The following BCAR3 variants were observed in gnomAD, a reference collection of about 807,000 sequenced individuals.
The protein encoded by BCAR3 is BCAR3 adaptor protein, NSP family member, also known as breast cancer anti-estrogen resistance protein 3.
Under a neutral mutation model 80.1 loss-of-function variants are expected in BCAR3, and 37 were observed. That is an observed-to-expected ratio of 0.46 (90% CI 0.36 to 0.61). BCAR3 has a LOEUF of 0.61. BCAR3 is among the 20% of genes least tolerant of loss of function. The pLI is 0.00. For missense variants in BCAR3, 978 were observed against 1,068.2 expected (o/e 0.92, Z 1.18); for synonymous variants, 389 against 418.9 (o/e 0.93, Z 0.87).
intron 2 of BCAR3, among the ~76,000 whole-genome samples, chr1:93,813,971 G>C (rs1571145738): frequency 6.6e-6 from 1 of 152,166 alleles, no homozygotes. Context: ...CAGTTGCTTA[G>C]CAGACTGCCC....
At chr1:93,826,387 C>T (rs751158347) in intron 2 of BCAR3, among the ~76,000 whole-genome samples, 4 of 152,204 alleles carry the variant, frequency 2.6e-5, no homozygotes, top group Non-Finnish European at 5.9e-5. Context: ...GACCTTGCCA[C>T]CCATCCCTTC....
chr1:93,806,828 T>C (rs961882341), intron 2 of BCAR3, among the ~76,000 whole-genome samples: 8 of 152,152 alleles, frequency 5.3e-5, no homozygotes, highest in Non-Finnish European at 1.0e-4. Flanking sequence ...TATAAAAGAA[T>C]AGTAGAAGGC....
chr1:93,835,380 C>T (rs969952834), intron 2 of BCAR3, among the ~76,000 whole-genome samples: 5 of 152,198 alleles, frequency 3.3e-5, no homozygotes, highest in Non-Finnish European at 7.3e-5. Context: ...AAAGAAGCAG[C>T]TTAGCGTTCC....
chr1:93,624,452 AG>A (rs1442111823), intron 3 of BCAR3, among the ~76,000 whole-genome samples: 1 of 152,194 alleles, frequency 6.6e-6, no homozygotes, highest in Non-Finnish European at 1.5e-5. Context: ...GAAGTTTGGG[AG>A]CCCCTGCTCT....
At chr1:93,659,151 A>G (rs1647531656) in intron 2 of BCAR3, among the ~76,000 whole-genome samples, 1 of 152,132 alleles carries the variant, frequency 6.6e-6, no homozygotes, top group South Asian at 2.1e-4. Context: ...ATAAGAGGGA[A>G]TGAAGGGATA....
intron 3 of BCAR3, among the ~76,000 whole-genome samples, chr1:93,700,792 C>T (rs1307625940): frequency 6.6e-6 from 1 of 152,244 alleles, no homozygotes; most frequent in Non-Finnish European, 1.5e-5. Context: ...CAGCGGAATT[C>T]CACAGGAAGA....
chr1:93,780,483 C>A (rs556496611), intron 2 of BCAR3, among the ~76,000 whole-genome samples: 1 of 152,000 alleles, frequency 6.6e-6, no homozygotes, highest in South Asian at 2.1e-4. Flanking sequence ...TCTACTCTGG[C>A]CACCCAAAGC....
Position 93,617,722 on chromosome 1 carries a change from A to G in BCAR3, c.357+24582T>C, listed in dbSNP as rs533738397. Among the ~76,000 whole-genome samples the G allele has an allele frequency of 2.1e-4, 32 of 152,294 alleles. No individual in the cohort carries two copies. The South Asian group carries it at 6.0e-3, about 29-fold the overall frequency. ...AAAGACAGCTTTAATGAGCCAGGGC[A>G]TGAGGCTGATGCAACCAGCTCCATC... On this transcript the variant is annotated intron_variant, in intron 3 of 11. Coordinates refer to ENST00000260502, the MANE Select transcript of BCAR3 (RefSeq NM_003567.4).
intron 5 of BCAR3, chr1:93,585,159 G>T (rs1673892580): frequency 1.0e-6 from 1 of 985,458 alleles, no homozygotes; most frequent in Non-Finnish European, 1.2e-6. Context: ...GCAGGGTGTG[G>T]AATGCAACCT....
intron 3 of BCAR3, among the ~76,000 whole-genome samples, chr1:93,705,365 C>T (rs1649797353): frequency 6.6e-6 from 1 of 152,184 alleles, no homozygotes; most frequent in Non-Finnish European, 1.5e-5. Context: ...TAAAGGAAAA[C>T]TGACAGACCT....
In BCAR3 at chr1:93,570,447, G is replaced by C. The variant is rs147807610; in HGVS notation, c.1974+1223C>G. Among the ~76,000 whole-genome samples the C allele has an allele frequency of 5.8e-4, 88 of 152,218 alleles. 1 individual carries two copies. Among genetic ancestry groups the C allele is most frequent in the African/African-American group, 2.1e-3 (87 of 41,450 alleles). The stretch of plus-strand genomic sequence containing the variant: ...AGGGCTTGGGAGAACAGAAGTGGGA[G>C]TGCTGATCCTCAGCAATAAAGATGG... On this transcript the variant is annotated intron_variant, in intron 9 of 11. Transcript: ENST00000260502.
intron 2 of BCAR3, among the ~76,000 whole-genome samples, chr1:93,736,477 G>A (rs763625471): frequency 3.3e-5 from 5 of 152,200 alleles, no homozygotes; most frequent in Admixed American, 1.3e-4. Context: ...GTGAGCCACC[G>A]TGCCTGGCCA....
chr1:93,772,631 A>G (rs12144131), intron 2 of BCAR3, among the ~76,000 whole-genome samples: 17,799 of 151,748 alleles, frequency 0.12, 1,464 homozygotes, highest in African/African-American at 0.22. Flanking sequence ...TTGAGATGGA[A>G]TCTCACTCTG....
intron 1 of BCAR3, 116 bp from the exon 2 acceptor site, chr1:93,675,057 T>C: frequency 1.2e-6 from 1 of 832,738 alleles, no homozygotes; most frequent in Non-Finnish European, 1.8e-6. Context: ...CACAGACCAT[T>C]AACAGATCAA....
chr1:93,826,649 A>G (rs1335705990), intron 2 of BCAR3, among the ~76,000 whole-genome samples: 2 of 152,182 alleles, frequency 1.3e-5, no homozygotes, highest in Non-Finnish European at 2.9e-5. Context: ...CAGATGGAGA[A>G]TGTTTTGAGA....
intron 3 of BCAR3, among the ~76,000 whole-genome samples, chr1:93,704,768 A>C (rs889414196): frequency 1.8e-4 from 28 of 152,206 alleles, no homozygotes; most frequent in African/African-American, 6.3e-4. Flanking sequence ...TCATTATTCG[A>C]GGTAATAACA....
intron 2 of BCAR3, among the ~76,000 whole-genome samples, chr1:93,759,239 C>T (rs142975800): frequency 5.3e-5 from 8 of 152,222 alleles, no homozygotes; most frequent in Non-Finnish European, 7.4e-5. Flanking sequence ...AACAGGAAGG[C>T]GCCGAAAGCT....
chr1:93,834,753 T>A (rs570129143), intron 2 of BCAR3, among the ~76,000 whole-genome samples: 1 of 152,332 alleles, frequency 6.6e-6, no homozygotes, highest in South Asian at 2.1e-4. Flanking sequence ...CTGATGCACA[T>A]ACTTTCTGCC....
chr1:93,700,542 G>A (rs1038701223), intron 3 of BCAR3, among the ~76,000 whole-genome samples: 1 of 152,168 alleles, frequency 6.6e-6, no homozygotes, highest in Non-Finnish European at 1.5e-5. Context: ...CATCCCCGAT[G>A]GGCTCATAGA....
Sources: gnomAD v4.1 joint callset for allele counts (sites outside exome capture counted in the v4.1 genomes callset) on GRCh38, gnomAD v4.1.1 for gene constraint, MANE v1.5 for transcripts, NCBI Gene and HGNC (gene_info 2026-07-23, HGNC 2026-07-21) for gene names.